C11orf21: variants seen among roughly 807,000 people sequenced by gnomAD.
The protein encoded by C11orf21 is uncharacterized protein C11orf21.
In C11orf21, 19 loss-of-function variants were observed where a neutral mutation model predicts 15.2. That is an observed-to-expected ratio of 1.25 (90% CI 0.87 to 1.84). The LOEUF (loss-of-function observed/expected upper bound fraction) is 1.84. Among genes scored for constraint, C11orf21 ranks in the 40% most tolerant of loss-of-function variants. C11orf21 has a pLI of 0.00. For missense variants in C11orf21, 171 were observed against 174.4 expected (o/e 0.98, Z 0.11); for synonymous variants, 62 against 66.8 (o/e 0.93, Z 0.35).
rs1282796558 is a variant in C11orf21 at position 2,296,188 on chromosome 11, G to A, written c.*1762C>T. 1 of 152,232 alleles carries A rather than the reference G, an allele frequency of 6.6e-6. No homozygotes were observed. Among genetic ancestry groups the A allele is most frequent in the Non-Finnish European group, 1.5e-5 (1 of 68,050 alleles). 9.4% of individuals were successfully genotyped at this position (152,232 alleles called of 1,614,324 possible). On this transcript the variant is annotated 3_prime_UTR_variant, in exon 4 of 4. Coordinates refer to ENST00000381153, the MANE Select transcript of C11orf21 (RefSeq NM_001329958.2). The surrounding 1 kb of genome is among the most constrained non-coding windows in gnomAD (Gnocchi z 5.6). The stretch of plus-strand genomic sequence containing the variant: ...CCTTTGCAGTCCCTCCAGGGCTGCA[G>A]GTTGCTTTTGACTGACAATTTTCCT...
rs902707196 is a variant in C11orf21 at position 2,301,797 on chromosome 11, G to A, written c.12C>T (p.Thr4=). MGR[T]WCGMWRRRRP... ...GCCGTCTCCTCCACATCCCACACCA[G>A]GTCCTGCCCATGACTTTCCCCCTCT... Residue 4 remains threonine (T), a synonymous_variant, in exon 1 of 4, where the codon ACC becomes ACT. Transcript: ENST00000381153. 9.7e-6 allele frequency: 15 copies of A among 1,550,534 alleles called. No homozygotes were observed. The highest frequency in any genetic ancestry group is 9.6e-6 in the Non-Finnish European group (11 of 1,146,930).
chr11:2,297,635 G>A lies in C11orf21; in HGVS notation c.*315C>T, dbSNP rs887881337. On this transcript the variant is annotated 3_prime_UTR_variant, in exon 4 of 4. Transcript: ENST00000381153. Reference sequence around the variant, plus strand: ...AAACATATTTCACACGTTGCTGGGGGCAGTGTGTGTGACTCACTGCTTCCC... The same window carrying A: ...AAACATATTTCACACGTTGCTGGGGACAGTGTGTGTGACTCACTGCTTCCC... 16 of 152,228 alleles carry A rather than the reference G, an allele frequency of 1.1e-4. No homozygotes were observed. Among genetic ancestry groups the A allele is most frequent in the Non-Finnish European group, 2.1e-4 (14 of 68,080 alleles). The allele number at this position is 152,228 out of a possible 1,614,324, so 9.4% of individuals were successfully genotyped here. A position where few individuals can be genotyped will look rare whatever the true frequency, so the allele number is the denominator to read the frequency against.
At chr11:2,298,111 G>C (rs1336860116) in intron 3 of C11orf21, among the ~76,000 whole-genome samples, 190 bp from the exon 4 acceptor site, 1 of 152,306 alleles carries the variant, frequency 6.6e-6, no homozygotes, top group South Asian at 2.1e-4. Context: ...GCAGGAACAC[G>C]ATTCTGTCCA....
At chr11:2,299,777 G>A in intron 2 of C11orf21, 70 bp from the exon 3 acceptor site, 3 of 1,528,104 alleles carry the variant, frequency 2.0e-6, no homozygotes, top group Admixed American at 2.1e-5. Flanking sequence ...AAGGAGAGAG[G>A]AAAAAGGAAG....
At chr11:2,302,143 A>G (rs756986960), upstream of C11orf21, 7 of 1,468,680 alleles carry the variant, frequency 4.8e-6, no homozygotes, top group Non-Finnish European at 9.0e-7. Context: ...AGAGGAGAGG[A>G]ACCGTCATGG....
upstream of C11orf21, among the ~76,000 whole-genome samples, chr11:2,302,552 G>A (rs1488567250): frequency 6.6e-6 from 1 of 152,222 alleles, no homozygotes; most frequent in Admixed American, 6.5e-5. Flanking sequence ...TGGCACAGGG[G>A]TGGGGCTCAC....
upstream of C11orf21, among the ~76,000 whole-genome samples, chr11:2,302,501 G>A (rs564514960): frequency 1.3e-5 from 2 of 152,248 alleles, no homozygotes; most frequent in East Asian, 1.9e-4. Context: ...ACTGGCTGCC[G>A]GGCTCCAGGG....
intron 2 of C11orf21, among the ~76,000 whole-genome samples, 175 bp from the exon 3 acceptor site, chr11:2,299,882 G>A (rs1000598029): frequency 2.7e-5 from 4 of 150,916 alleles, no homozygotes; most frequent in African/African-American, 7.3e-5. Context: ...ATGCATCCAC[G>A]CCCAATCTCT....
chr11:2,299,805 CAT>C, intron 2 of C11orf21, 98 bp from the exon 3 acceptor site: 1 of 1,410,290 alleles, frequency 7.1e-7, no homozygotes, highest in Non-Finnish European at 9.7e-7. Flanking sequence ...CGGGTAAACA[CAT>C]ATGCATGCAC....
chr11:2,301,643 TC>T, intron 1 of C11orf21, 112 bp downstream of exon 1: 1 of 892,726 alleles, frequency 1.1e-6, no homozygotes, highest in Non-Finnish European at 1.7e-6. Flanking sequence ...AAAGGGTGTT[TC>T]CTAAGAACAC....
chr11:2,300,765 A>C, intron 1 of C11orf21, 152 bp from the exon 2 acceptor site: 1 of 1,550,678 alleles, frequency 6.4e-7, no homozygotes, highest in Non-Finnish European at 8.7e-7. Flanking sequence ...GGAGAGAGAC[A>C]ATTCTAGGGG....
chr11:2,301,702 T>G, intron 1 of C11orf21, 54 bp downstream of exon 1: 11 of 1,425,740 alleles, frequency 7.7e-6, no homozygotes, highest in Non-Finnish European at 1.0e-5. Context: ...CCTCCAAGGA[T>G]TACGCCCCCA....
chr11:2,299,862 A>ACGCC (rs1847638391), intron 2 of C11orf21, among the ~76,000 whole-genome samples, 155 bp from the exon 3 acceptor site: 3 of 130,382 alleles, frequency 2.3e-5, no homozygotes, highest in African/African-American at 7.7e-5. Context: ...ACACGCATCC[A>ACGCC]TGCCTGCACA....
At chr11:2,301,706 GC>G in intron 1 of C11orf21, 49 bp downstream of exon 1, 2 of 1,437,680 alleles carry the variant, frequency 1.4e-6, no homozygotes. Flanking sequence ...CAAGGATTAC[GC>G]CCCCAAGGCC....
chr11:2,299,321 G>A (rs1847613430), intron 3 of C11orf21, 107 bp downstream of exon 3: 27 of 1,228,992 alleles, frequency 2.2e-5, no homozygotes, highest in Non-Finnish European at 2.6e-5. Context: ...GGCCCCACTC[G>A]CTGTGACGCA....
At chr11:2,302,920 C>T (rs1259622455), upstream of C11orf21, 3 of 1,613,616 alleles carry the variant, frequency 1.9e-6, no homozygotes, top group Non-Finnish European at 2.5e-6. Flanking sequence ...CGCCGAGCGT[C>T]CCTGGAGAAG....
In C11orf21 at chr11:2,301,749, A is replaced by C. The variant is rs1291618899; in HGVS notation, c.53+7T>G. On this transcript the variant is annotated splice_region_variant and intron_variant, in intron 1 of 3. Transcript: ENST00000381153. Reference sequence around the variant, plus strand: ...ACACTTGCTCACTCCCAGGACGGGGAGCTCACCTCCTCCTCCCCGGGCGCC... The same window carrying C: ...ACACTTGCTCACTCCCAGGACGGGGCGCTCACCTCCTCCTCCCCGGGCGCC... 10 of 1,543,812 alleles carry C rather than the reference A, an allele frequency of 6.5e-6. No individual in the cohort carries two copies. The highest frequency in any genetic ancestry group is 8.7e-6 in the Non-Finnish European group (10 of 1,143,460).
At chr11:2,301,009 TG>T (rs1331482900) in intron 1 of C11orf21, 16 of 540,338 alleles carry the variant, frequency 3.0e-5, no homozygotes, top group Non-Finnish European at 5.0e-5. Flanking sequence ...TGGGAATTCC[TG>T]GGGGCCAGAG....
In C11orf21 at chr11:2,300,545, G is replaced by T; in HGVS notation, c.122C>A (p.Thr41Asn). ...CTGGTCTCTGGAGGGCCAGCCGGGG[G>T]TTCCCGTCCACCTGTCAGGGGGTTC... ...GVEPPDRWTG[T>N]PGWPSRDQEA... Residue 41 changes from threonine (T) to asparagine (N), a missense_variant, in exon 2 of 4, where the codon ACC becomes AAC. Thr to Asn is a moderately conservative substitution (Grantham distance 65). Transcript: ENST00000381153. 1 of 1,548,844 alleles carries T rather than the reference G, an allele frequency of 6.5e-7. No individual in the cohort carries two copies. Among genetic ancestry groups the T allele is most frequent in the Non-Finnish European group, 8.7e-7 (1 of 1,146,260 alleles).
Sources: gnomAD v4.1 joint callset for allele counts (sites outside exome capture counted in the v4.1 genomes callset) on GRCh38, gnomAD v4.1.1 for gene constraint, Gnocchi (gnomAD v3.1) non-coding constraint, MANE v1.5 for transcripts, NCBI Gene and HGNC (gene_info 2026-07-23, HGNC 2026-07-21) for gene names.